The following TENM1 variants were observed in gnomAD, a reference collection of about 807,000 sequenced individuals.
TENM1 encodes teneurin transmembrane protein 1.
A neutral mutation model predicts 174.8 loss-of-function variants in TENM1; 35 were observed. That is an observed-to-expected ratio of 0.20 (90% CI 0.15 to 0.27). TENM1 has a LOEUF of 0.27. Among genes scored for constraint, TENM1 ranks in the 10% least tolerant of loss-of-function variants. TENM1 has a pLI of 1.00. For synonymous variants in TENM1, 781 were observed against 798.7 expected, an observed-to-expected ratio of 0.98 and a Z score of 0.37; for missense variants, 1,633 against 2,130.1, an observed-to-expected ratio of 0.77 and a Z score of 4.59.
At chrX:124,854,503 AAAAG>A (rs768241783) in intron 3 of TENM1, among the ~76,000 whole-genome samples, 8 of 111,627 alleles carry the variant, frequency 7.2e-5, no homozygotes, top group Non-Finnish European at 1.5e-4. Context: ...ACTGAAATTA[AAAAG>A]AAAGAAAATG....
chrX:124,694,004 C>T (rs1009470834), intron 5 of TENM1, among the ~76,000 whole-genome samples: 2 of 110,544 alleles, frequency 1.8e-5, no homozygotes, highest in Admixed American at 9.7e-5. Flanking sequence ...TTTGGTAGGT[C>T]GCTTAATTTT....
intron 3 of TENM1, among the ~76,000 whole-genome samples, chrX:124,865,916 G>T (rs142361040): frequency 0.045 from 5,012 of 111,844 alleles, 249 homozygotes; most frequent in African/African-American, 0.15. Flanking sequence ...GAGAAAAGAA[G>T]GTCACTGTTT....
chrX:124,382,649 G>A (rs760719634), intron 31 of TENM1, 21 bp downstream of exon 34: 1 of 1,197,227 alleles, frequency 8.4e-7, no homozygotes, highest in South Asian at 1.8e-5. Flanking sequence ...GCTAAAAGGA[G>A]GTGATAAAAC....
intron 25 of TENM1, among the ~76,000 whole-genome samples, chrX:124,408,131 C>G (rs891090626): frequency 4.5e-5 from 5 of 110,125 alleles, no homozygotes; most frequent in Non-Finnish European, 9.4e-5. Context: ...TAATATCCAG[C>G]CTTTTTTAAA....
At chrX:124,673,719 TTCTC>T (rs772067748) in intron 5 of TENM1, among the ~76,000 whole-genome samples, 28 of 110,493 alleles carry the variant, frequency 2.5e-4, no homozygotes, top group African/African-American at 6.9e-4. Context: ...AGAAGTTTCT[TTCTC>T]TCTCTCTCTC....
the TENM1 span, among the ~76,000 whole-genome samples, chrX:125,151,059 T>A: frequency 1.1e-4 from 12 of 112,074 alleles, no homozygotes; most frequent in African/African-American, 3.9e-4. Flanking sequence ...ATAATATTCC[T>A]GTGAATGTCA....
chrX:124,610,291 G>T (rs903827516), intron 11 of TENM1, among the ~76,000 whole-genome samples: 1 of 112,171 alleles, frequency 8.9e-6, no homozygotes. Flanking sequence ...ATAATAGGAA[G>T]TAATTCTTCC....
chrX:124,742,505 G>T (rs1168788897), intron 3 of TENM1, among the ~76,000 whole-genome samples: 10 of 111,130 alleles, frequency 9.0e-5, no homozygotes, highest in Non-Finnish European at 3.8e-5. Flanking sequence ...CTGACCTGAA[G>T]TGATATGAGG....
intron 1 of TENM1, among the ~76,000 whole-genome samples, chrX:124,950,945 C>G (rs1265793189): frequency 8.9e-6 from 1 of 111,771 alleles, no homozygotes; most frequent in Non-Finnish European, 1.9e-5. Context: ...GCAACTTTCT[C>G]AAGACACTCT....
rs182473125 is a variant in TENM1, at chrX:124,748,439, C to A, written c.536-11242G>T. On this transcript the variant is annotated intron_variant, in intron 3 of 31. Transcript: ENST00000422452. Reference sequence around the variant, plus strand: ...AGGTCAAGTGCTGTCTACTACTGAACTATACTCTTCTTTAAAGTAGGGCTT... The same window carrying A: ...AGGTCAAGTGCTGTCTACTACTGAAATATACTCTTCTTTAAAGTAGGGCTT... Among the ~76,000 whole-genome samples, 380 of 110,506 alleles carry A rather than the reference C, an allele frequency of 3.4e-3. 6 individuals carry two copies. The highest frequency in any genetic ancestry group is 4.2e-3 in the South Asian group (11 of 2,615).
chrX:124,752,176 T>C (rs1209300157), intron 3 of TENM1, among the ~76,000 whole-genome samples: 1 of 111,805 alleles, frequency 8.9e-6, no homozygotes, highest in Admixed American at 9.5e-5. Flanking sequence ...TTTTTAGTGA[T>C]TGCCATTCTA....
chrX:124,934,107 G>A (rs2058211753), intron 1 of TENM1, among the ~76,000 whole-genome samples: 1 of 112,056 alleles, frequency 8.9e-6, no homozygotes, highest in Non-Finnish European at 1.9e-5. Context: ...GATGCAGACT[G>A]TTCTATACTT....
At chrX:124,421,614 C>CTT (rs34110361) in intron 24 of TENM1, among the ~76,000 whole-genome samples, 2 of 95,011 alleles carry the variant, frequency 2.1e-5, no homozygotes, top group African/African-American at 3.9e-5. Context: ...GGAGAAGGCT[C>CTT]TTTTTTTTTT....
At chrX:124,502,074 G>A (rs1178298979) in intron 19 of TENM1, among the ~76,000 whole-genome samples, 2 of 112,127 alleles carry the variant, frequency 1.8e-5, no homozygotes, top group Non-Finnish European at 3.8e-5. Flanking sequence ...TCTTTTGGGG[G>A]TGATAAAAAT....
intron 1 of TENM1, among the ~76,000 whole-genome samples, chrX:124,917,109 C>T (rs1392865965): frequency 9.0e-6 from 1 of 111,474 alleles, no homozygotes; most frequent in Non-Finnish European, 1.9e-5. Flanking sequence ...AGAAGAGGAT[C>T]TCTTTCCTTT....
chrX:124,794,607 TC>T (rs1437486794), intron 3 of TENM1, among the ~76,000 whole-genome samples: 1 of 110,029 alleles, frequency 9.1e-6, no homozygotes, highest in East Asian at 2.9e-4. Context: ...CCACTTCCAA[TC>T]CCCCCGCCAA....
chrX:125,166,255 G>C, the TENM1 span, among the ~76,000 whole-genome samples: 1 of 111,365 alleles, frequency 9.0e-6, no homozygotes, highest in South Asian at 3.7e-4. Flanking sequence ...AATTTAAATA[G>C]CAACCTCATC....
chrX:124,759,282 T>C (rs2054346917), intron 3 of TENM1, among the ~76,000 whole-genome samples: 1 of 111,522 alleles, frequency 9.0e-6, no homozygotes, highest in African/African-American at 3.3e-5. Context: ...AATTGTAGTG[T>C]TCTTAATAAC....
chrX:124,443,532 T>C (rs184580028), intron 23 of TENM1, among the ~76,000 whole-genome samples: 1 of 112,040 alleles, frequency 8.9e-6, no homozygotes, highest in Admixed American at 9.5e-5. Context: ...TAGAACTTTT[T>C]TGTGTAATTA....
Sources: gnomAD v4.1 joint callset for allele counts (sites outside exome capture counted in the v4.1 genomes callset) on GRCh38, gnomAD v4.1.1 for gene constraint, MANE v1.5 for transcripts, NCBI Gene and HGNC (gene_info 2026-07-23, HGNC 2026-07-21) for gene names.